The following FHOD3 variants were observed in gnomAD, a reference collection of about 807,000 sequenced individuals.
The protein encoded by FHOD3 is FH1/FH2 domain-containing protein 3.
FHOD3 carries 90 observed loss-of-function variants against 173.0 expected under a neutral mutation model. That is an observed-to-expected ratio of 0.52 (90% CI 0.44 to 0.62). FHOD3 has a LOEUF of 0.62. Ranked by LOEUF, FHOD3 falls within the 20% of genes least tolerant of loss-of-function variation. FHOD3 has a pLI of 0.00. For missense variants in FHOD3, 1,945 were observed against 2,034.7 expected (o/e 0.96, Z 0.85); for synonymous variants, 828 against 823.0 (o/e 1.01, Z -0.10).
At chr18:36,612,250 G>C (rs557058187) in intron 9 of FHOD3, among the ~76,000 whole-genome samples, 155 bp downstream of exon 9, 1 of 152,322 alleles carries the variant, frequency 6.6e-6, no homozygotes, top group Admixed American at 6.5e-5. Flanking sequence ...TACTGAATCA[G>C]AAACTCTGAG....
At chr18:36,340,636 CT>C (rs1394971885) in intron 1 of FHOD3, among the ~76,000 whole-genome samples, 1 of 81,874 alleles carries the variant, frequency 1.2e-5, no homozygotes, top group Non-Finnish European at 3.6e-5. Flanking sequence ...GTCTCCTTTT[CT>C]TTTTTTTTCT....
At chr18:36,682,127 C>T (rs1001912197) in intron 15 of FHOD3, among the ~76,000 whole-genome samples, 1 of 152,154 alleles carries the variant, frequency 6.6e-6, no homozygotes, top group Non-Finnish European at 1.5e-5. Context: ...TAGCTCATTC[C>T]AGGTTCCATA....
At chr18:36,686,132 A>G (rs114548673) in intron 15 of FHOD3, among the ~76,000 whole-genome samples, 107 of 152,260 alleles carry the variant, frequency 7.0e-4, no homozygotes, top group African/African-American at 2.3e-3. Flanking sequence ...AAATCATTCT[A>G]TCTTAAAGAC....
intron 5 of FHOD3, among the ~76,000 whole-genome samples, chr18:36,555,980 T>C (rs1392744039): frequency 2.0e-5 from 3 of 152,192 alleles, no homozygotes; most frequent in African/African-American, 2.4e-5. Context: ...CAGGTCTTGC[T>C]TTTTTATCCA....
chr18:36,513,371 T>C (rs1370762114), intron 5 of FHOD3, among the ~76,000 whole-genome samples: 1 of 152,138 alleles, frequency 6.6e-6, no homozygotes, highest in Non-Finnish European at 1.5e-5. Flanking sequence ...ATAAAGTCAA[T>C]TCCCATAGTG....
intron 17 of FHOD3, among the ~76,000 whole-genome samples, chr18:36,703,776 C>T (rs1411451539): frequency 3.3e-5 from 5 of 152,162 alleles, no homozygotes; most frequent in Admixed American, 3.3e-4. Context: ...GCTCGTTCCT[C>T]ATTTCTCTCC....
chr18:36,594,159 G>A (rs1353234224), intron 6 of FHOD3, among the ~76,000 whole-genome samples: 10 of 152,126 alleles, frequency 6.6e-5, no homozygotes, highest in Non-Finnish European at 7.4e-5. Flanking sequence ...TGACCTCCCC[G>A]AGGGTGCATA....
rs576826983 is a variant in FHOD3 at position 36,671,437 on chromosome 18, A to G, written c.1836-9999A>G. Among the ~76,000 whole-genome samples, 6 of 152,324 alleles carry G rather than the reference A, an allele frequency of 3.9e-5. No individual in the cohort carries two copies. The East Asian group carries it at 1.2e-3, about 29-fold the overall frequency. On this transcript the variant is annotated intron_variant, in intron 14 of 28. Coordinates refer to ENST00000590592, the MANE Select transcript of FHOD3 (RefSeq NM_001281740.3). ...GTTTCATAGATTTTTTCTGGTTTTTAGTTGTTTCAGGTACAGGTAAATCTG... is the reference window on the plus strand; with the variant it reads ...GTTTCATAGATTTTTTCTGGTTTTTGGTTGTTTCAGGTACAGGTAAATCTG...
chr18:36,735,940 C>T (rs1424475544), intron 20 of FHOD3, among the ~76,000 whole-genome samples: 1 of 152,232 alleles, frequency 6.6e-6, no homozygotes, highest in Non-Finnish European at 1.5e-5. Context: ...CTCCAAAATA[C>T]ATGACTTTCA....
intron 19 of FHOD3, among the ~76,000 whole-genome samples, chr18:36,719,111 G>A (rs906911353): frequency 6.6e-6 from 1 of 152,196 alleles, no homozygotes; most frequent in Non-Finnish European, 1.5e-5. Flanking sequence ...TTGACTATGA[G>A]TGATAGTAGT....
At chr18:36,574,981 T>A (rs1188624028) in intron 5 of FHOD3, among the ~76,000 whole-genome samples, 1 of 151,956 alleles carries the variant, frequency 6.6e-6, no homozygotes, top group Admixed American at 6.6e-5. Context: ...TTTTTTTTTT[T>A]CTTTGTTCAG....
intron 27 of FHOD3, among the ~76,000 whole-genome samples, chr18:36,764,042 C>T (rs2043036443): frequency 6.6e-6 from 1 of 152,178 alleles, no homozygotes. Context: ...CAGACAGACA[C>T]AGCTGAGGAG....
intron 3 of FHOD3, among the ~76,000 whole-genome samples, chr18:36,398,365 C>A (rs2048649486): frequency 6.6e-6 from 1 of 152,202 alleles, no homozygotes; most frequent in South Asian, 2.1e-4. Context: ...GCCTTTCTAG[C>A]AATACTTCCT....
At chr18:36,335,117 C>G (rs2045236552) in intron 1 of FHOD3, among the ~76,000 whole-genome samples, 1 of 152,222 alleles carries the variant, frequency 6.6e-6, no homozygotes, top group Non-Finnish European at 1.5e-5. Context: ...CTTTTGGCTT[C>G]CCTGGGCCAC....
intron 6 of FHOD3, among the ~76,000 whole-genome samples, chr18:36,585,307 G>A (rs1421486427): frequency 6.6e-6 from 1 of 152,118 alleles, no homozygotes; most frequent in African/African-American, 2.4e-5. Flanking sequence ...TATTTGTGTT[G>A]GAGTCATTGT....
chr18:36,598,856 G>A (rs28453132), intron 7 of FHOD3, among the ~76,000 whole-genome samples: 6,927 of 152,266 alleles, frequency 0.045, 485 homozygotes, highest in African/African-American at 0.15. Flanking sequence ...GCCAAAGAAG[G>A]AAAATTTAAA....
intron 2 of FHOD3, among the ~76,000 whole-genome samples, chr18:36,357,857 G>A (rs1223879881): frequency 6.6e-6 from 1 of 152,076 alleles, no homozygotes; most frequent in Non-Finnish European, 1.5e-5. Context: ...CCTTGTCCTC[G>A]TTTTTGTTTT....
chr18:36,323,553 C>T (rs1465284174), intron 1 of FHOD3, among the ~76,000 whole-genome samples: 5 of 152,294 alleles, frequency 3.3e-5, no homozygotes, highest in Middle Eastern at 3.4e-3. Flanking sequence ...ATCCCAGGGA[C>T]AGAGGACTTC....
At chr18:36,649,191 TA>T in intron 10 of FHOD3, 124 bp from the exon 11 acceptor site, 2 of 628,166 alleles carry the variant, frequency 3.2e-6, no homozygotes, top group Non-Finnish European at 5.2e-6. Flanking sequence ...TTTTTTTTTT[TA>T]ATTATTATTA....
Sources: allele counts gnomAD v4.1 joint callset (sites outside exome capture counted in the v4.1 genomes callset), GRCh38; gene constraint gnomAD v4.1.1; transcripts MANE v1.5; gene names NCBI Gene and HGNC (gene_info 2026-07-23, HGNC 2026-07-21).